Variants in SEPTIN9 observed in about 807,000 individuals in gnomAD.
The protein encoded by SEPTIN9 is septin 9.
In SEPTIN9, 13 loss-of-function variants were observed where a neutral mutation model predicts 56.6. The ratio of observed to expected loss-of-function variants is 0.23; its 90% CI spans 0.15 to 0.37. The LOEUF is 0.37. SEPTIN9 is among the 10% of genes least tolerant of loss of function. SEPTIN9 has a pLI of 1.00. For missense variants in SEPTIN9, 650 were observed against 823.1 expected (o/e 0.79, Z 2.57); for synonymous variants, 332 against 334.1 (o/e 0.99, Z 0.07).
chr17:77,422,010 G>A (rs1205324926), intron 3 of SEPTIN9, among the ~76,000 whole-genome samples: 1 of 129,416 alleles, frequency 7.7e-6, no homozygotes, highest in Non-Finnish European at 1.6e-5. Context: ...CACCATGCCT[G>A]GTTAATTTTT....
intron 2 of SEPTIN9, among the ~76,000 whole-genome samples, chr17:77,335,162 A>G (rs976283035): frequency 6.6e-6 from 1 of 151,418 alleles, no homozygotes; most frequent in Admixed American, 6.6e-5. Context: ...TTGACTGTAT[A>G]TGTGGTCCTA....
intron 2 of SEPTIN9, among the ~76,000 whole-genome samples, chr17:77,331,618 T>A (rs2033364085): frequency 6.6e-6 from 1 of 152,166 alleles, no homozygotes; most frequent in South Asian, 2.1e-4. Context: ...AGAGTCCAGC[T>A]CCTGCGGGGT....
intron 1 of SEPTIN9, chr17:77,295,006 A>T (rs1388247395): frequency 6.6e-6 from 1 of 152,166 alleles, no homozygotes; most frequent in Non-Finnish European, 1.5e-5. Context: ...ATATAACCCG[A>T]CCAAAGCCAA....
intron 3 of SEPTIN9, among the ~76,000 whole-genome samples, chr17:77,455,293 C>T (rs1248216761): frequency 3.3e-5 from 5 of 152,150 alleles, no homozygotes; most frequent in East Asian, 1.9e-4. Context: ...CATTGACCTC[C>T]GGCCTCTGCA....
At chr17:77,311,142 G>A (rs2032475101) in intron 2 of SEPTIN9, among the ~76,000 whole-genome samples, 1 of 152,102 alleles carries the variant, frequency 6.6e-6, no homozygotes, top group African/African-American at 2.4e-5. Flanking sequence ...ACACCGGGGA[G>A]AGCCACGTGA....
intron 2 of SEPTIN9, among the ~76,000 whole-genome samples, chr17:77,378,834 C>T (rs905252943): frequency 6.6e-6 from 1 of 152,080 alleles, no homozygotes; most frequent in Non-Finnish European, 1.5e-5. Flanking sequence ...TCCCTGCCAC[C>T]ATCTACCCCC....
chr17:77,487,986 A>G lies in SEPTIN9; in HGVS notation c.1043-254A>G, dbSNP rs1258644115. ...TGGCTGTGATGGGTCAGTGTCCCGG[A>G]CCCCTGTGGGCCCCGTCACACTGAG... On this transcript the variant is annotated intron_variant, in intron 5 of 11. Coordinates refer to ENST00000427177, the MANE Select transcript of SEPTIN9 (RefSeq NM_001113491.2). This position sits in a 1 kb window ranked among gnomAD's most constrained non-coding sequence, Gnocchi z 4.3. 1.3e-5 allele frequency among the ~76,000 whole-genome samples: 2 copies of G among 152,032 alleles called. No homozygotes were observed. Among genetic ancestry groups the G allele is most frequent in the African/African-American group, 4.8e-5 (2 of 41,382 alleles).
chr17:77,302,404 G>A (rs2032089132), intron 1 of SEPTIN9, among the ~76,000 whole-genome samples: 1 of 152,202 alleles, frequency 6.6e-6, no homozygotes, highest in African/African-American at 2.4e-5. Context: ...CCCTGGCCGG[G>A]CGTGGTGGCT....
At position 77,490,751 on chromosome 17, in the gene SEPTIN9, C is replaced by A; in HGVS notation, c.1272C>A (p.Pro424=). The A allele has an allele frequency of 6.4e-7, 1 of 1,572,626 alleles. No individual in the cohort carries two copies. Among genetic ancestry groups the A allele is most frequent in the Non-Finnish European group, 8.6e-7 (1 of 1,158,526 alleles). The stretch of plus-strand genomic sequence containing the variant: ...CATCCCTCTGCTTCAGCCTCAGGCC[C>A]CTGGACATCGAGTTTATGAAACGCC... The part of the protein sequence containing the change: ...FIPATGHSLR[P]LDIEFMKRLS... The change falls in exon 8 of 12, where the codon CCC becomes CCA. Residue 424 remains proline, a synonymous_variant. Transcript: ENST00000427177.
intron 2 of SEPTIN9, among the ~76,000 whole-genome samples, chr17:77,328,126 G>T (rs1380192320): frequency 7.2e-6 from 1 of 138,450 alleles, no homozygotes; most frequent in African/African-American, 2.8e-5. Context: ...GGGTGTCCCC[G>T]TTCCCAGGGC....
chr17:77,289,605 C>A (rs1011015756), intron 1 of SEPTIN9, among the ~76,000 whole-genome samples: 1 of 147,968 alleles, frequency 6.8e-6, no homozygotes, highest in African/African-American at 2.5e-5. Flanking sequence ...ACGGGGTGTC[C>A]CCATGTTGGT....
intron 2 of SEPTIN9, among the ~76,000 whole-genome samples, chr17:77,395,856 G>A (rs768600751): frequency 1.3e-5 from 2 of 152,172 alleles, no homozygotes; most frequent in Non-Finnish European, 2.9e-5. Flanking sequence ...GAAAATCTGC[G>A]GAAACCCGGA....
At chr17:77,426,092 C>G (rs1255541647) in intron 3 of SEPTIN9, among the ~76,000 whole-genome samples, 3 of 152,110 alleles carry the variant, frequency 2.0e-5, no homozygotes, top group Non-Finnish European at 4.4e-5. Flanking sequence ...TGCAGCCAGG[C>G]CCCCAGGCCT....
intron 3 of SEPTIN9, among the ~76,000 whole-genome samples, chr17:77,455,587 C>T (rs960566035): frequency 1.3e-5 from 2 of 152,224 alleles, no homozygotes; most frequent in African/African-American, 4.8e-5. Flanking sequence ...GGTACGCAGA[C>T]GTGGGTGGCA....
In SEPTIN9 at chr17:77,384,526, G is replaced by C. The variant is rs938218076; in HGVS notation, c.77-17533G>C. Among the ~76,000 whole-genome samples, 52 of 152,012 alleles carry C rather than the reference G, an allele frequency of 3.4e-4. 1 individual carries two copies. The highest frequency in any genetic ancestry group is 1.0e-4 in the Non-Finnish European group (7 of 68,010). On this transcript the variant is annotated intron_variant, in intron 2 of 11. Transcript: ENST00000427177. ...GATTCTCGGGGAGGAAGGAGGGGAT[G>C]GGGGAGATGAGGCTTGTGAGTCTTC...
chr17:77,384,098 G>A (rs1410919628), intron 2 of SEPTIN9, among the ~76,000 whole-genome samples: 5 of 152,198 alleles, frequency 3.3e-5, no homozygotes, highest in African/African-American at 4.8e-5. Context: ...GGCGGCGGCT[G>A]CCCTGACTGT....
intron 10 of SEPTIN9, among the ~76,000 whole-genome samples, chr17:77,495,190 T>TCC (rs2040206172): frequency 6.6e-6 from 1 of 151,772 alleles, no homozygotes; most frequent in South Asian, 2.1e-4. Context: ...AAGAGAGAGG[T>TCC]CCCCGCACCT....
At chr17:77,471,914 C>A (rs2143050259) in intron 3 of SEPTIN9, among the ~76,000 whole-genome samples, 1 of 152,210 alleles carries the variant, frequency 6.6e-6, no homozygotes, top group East Asian at 1.9e-4. Flanking sequence ...GGATCCACTT[C>A]AGAGCCTGAG....
At chr17:77,454,223 C>G in intron 3 of SEPTIN9, 1 of 985,534 alleles carries the variant, frequency 1.0e-6, no homozygotes, top group Non-Finnish European at 1.2e-6. Context: ...CCTGGAGGCT[C>G]CCAGCGTCCC....
Sources: gnomAD v4.1 joint callset for allele counts (sites outside exome capture counted in the v4.1 genomes callset) on GRCh38, gnomAD v4.1.1 for gene constraint, Gnocchi (gnomAD v3.1) non-coding constraint, MANE v1.5 for transcripts, NCBI Gene and HGNC (gene_info 2026-07-23, HGNC 2026-07-21) for gene names.